The following CEACAM1 variants were observed in gnomAD, a reference collection of about 807,000 sequenced individuals.
CEACAM1 encodes CEA cell adhesion molecule 1.
A neutral mutation model predicts 49.1 loss-of-function variants in CEACAM1; 31 were observed. The observed-to-expected ratio is 0.63, with a 90% CI of 0.47 to 0.85. The LOEUF (loss-of-function observed/expected upper bound fraction) is 0.85, where lower values mean the gene tolerates loss of function less well. Among genes scored for constraint, CEACAM1 ranks in the 40% least tolerant of loss-of-function variants. The pLI, the probability that CEACAM1 is intolerant of heterozygous loss-of-function variation, is 0.00. For synonymous variants in CEACAM1, 244 were observed against 247.8 expected, an observed-to-expected ratio of 0.98 and a Z score of 0.14; for missense variants, 570 against 645.3, an observed-to-expected ratio of 0.88 and a Z score of 1.26.
chr19:42,513,915 T>TATATAAAAATAA, intron 5 of CEACAM1, among the ~76,000 whole-genome samples: 1 of 129,808 alleles, frequency 7.7e-6, no homozygotes, highest in African/African-American at 3.7e-5. Flanking sequence ...TATATATATA[T>TATATAAAAATAA]ATAATATATA....
chr19:42,521,344 C>G lies in CEACAM1; in HGVS notation c.881G>C (p.Ser294Thr). The change falls in exon 4 of 9, where the codon AGT becomes ACT. Residue 294 changes from serine (S) to threonine (T), a missense_variant. Ser to Thr is a moderately conservative substitution (Grantham distance 58). Transcript: ENST00000161559. ...LFIPNITVNN[S>T]GSYTCHANNS... ...ATTGGCGTGGCAGGTATAGGATCCACTATTATTCACAGTGATGTTAGGGAT... is the reference window on the plus strand; with the variant it reads ...ATTGGCGTGGCAGGTATAGGATCCAGTATTATTCACAGTGATGTTAGGGAT... 3 of 1,614,144 alleles carry G rather than the reference C, an allele frequency of 1.9e-6. No individual in the cohort carries two copies. The highest frequency in any genetic ancestry group is 2.5e-6 in the Non-Finnish European group (3 of 1,180,016).
At chr19:42,515,920 T>G (rs556576284) in intron 5 of CEACAM1, among the ~76,000 whole-genome samples, 1 of 151,928 alleles carries the variant, frequency 6.6e-6, no homozygotes, top group Admixed American at 6.6e-5. Flanking sequence ...AAATAGAAAA[T>G]CTGAATAGAC....
intron 5 of CEACAM1, among the ~76,000 whole-genome samples, chr19:42,513,662 G>A (rs1373135394): frequency 6.7e-6 from 1 of 149,672 alleles, no homozygotes; most frequent in African/African-American, 2.5e-5. Context: ...TCTTCCACAG[G>A]AATCAGATCT....
chr19:42,522,624 C>T (rs189117146), intron 2 of CEACAM1, among the ~76,000 whole-genome samples: 18 of 151,680 alleles, frequency 1.2e-4, no homozygotes, highest in Admixed American at 1.1e-3. Flanking sequence ...TGCAGTGGCA[C>T]GATCTTGGCT....
At chr19:42,519,453 T>A (rs1212349579) in intron 4 of CEACAM1, 1 of 561,936 alleles carries the variant, frequency 1.8e-6, no homozygotes, top group Non-Finnish European at 3.2e-6. Flanking sequence ...ACCTCCCTCC[T>A]GACCCCAGAT....
chr19:42,527,276 A>G lies in CEACAM1; in HGVS notation c.189T>C (p.Phe63=). Residue 63 remains phenylalanine, a synonymous_variant, in exon 2 of 9, where the codon TTT becomes TTC. Coordinates refer to ENST00000161559, the MANE Select transcript of CEACAM1 (RefSeq NM_001712.5). The part of the protein sequence containing the change: ...LLVHNLPQQL[F]GYSWYKGERV... ...TTTCCCCTTTGTACCAGCTGTAGCCAAAAAGTTGCTGGGGCAGATTGTGGA... is the reference window on the plus strand; with the variant it reads ...TTTCCCCTTTGTACCAGCTGTAGCCGAAAAGTTGCTGGGGCAGATTGTGGA... The G allele has an allele frequency of 6.2e-7, 1 of 1,614,060 alleles. No homozygotes were observed. Among genetic ancestry groups the G allele is most frequent in the Non-Finnish European group, 8.5e-7 (1 of 1,179,946 alleles).
Position 42,518,954 on chromosome 19 carries a change from C to T in CEACAM1, c.1240G>A (p.Val414Ile), listed in dbSNP as rs368919190. Reference protein sequence around the residue: ...KNQSDPIMLNVNYNALPQENG... With the variant: ...KNQSDPIMLNINYNALPQENG... ...GGGGTGAGGAGTCACTTACAGTTTA[C>T]GTTCAGCATGATGGGGTCGCTTTGG... The change falls in exon 5 of 9, where the codon GTA (valine) becomes ATA (isoleucine). Residue 414 changes from valine (V) to isoleucine (I), a missense_variant. Val to Ile is a conservative substitution (Grantham distance 29). Coordinates refer to ENST00000161559, the MANE Select transcript of CEACAM1 (RefSeq NM_001712.5). 1.7e-5 allele frequency: 28 copies of T among 1,614,010 alleles called. No individual in the cohort carries two copies. Among genetic ancestry groups the T allele is most frequent in the African/African-American group, 1.5e-4 (11 of 74,920 alleles).
chr19:42,517,725 T>C (rs1389027139), intron 5 of CEACAM1, among the ~76,000 whole-genome samples: 1 of 152,224 alleles, frequency 6.6e-6, no homozygotes, highest in East Asian at 1.9e-4. Context: ...TCTAGTGCAT[T>C]GCTGGTGGGA....
At chr19:42,515,980 A>G (rs993159246) in intron 5 of CEACAM1, among the ~76,000 whole-genome samples, 2 of 152,222 alleles carry the variant, frequency 1.3e-5, no homozygotes, top group Non-Finnish European at 1.5e-5. Flanking sequence ...ACAAAATTCA[A>G]CATTCTTTCA....
chr19:42,527,490 C>T, intron 1 of CEACAM1, 90 bp from the exon 2 acceptor site: 1 of 1,482,648 alleles, frequency 6.7e-7, no homozygotes. Flanking sequence ...GGTGTCTTCA[C>T]CCCTCCACCT....
At position 42,510,887 on chromosome 19, in the gene CEACAM1, A is replaced by C; in HGVS notation, c.1461+2T>G. On this transcript the variant is annotated splice_donor_variant, in intron 8 of 8. Transcript: ENST00000161559. LOFTEE classifies it high-confidence loss of function. ...AAGCCCATGAAAACCGGCTATGCTTACCTTGTTAGGTGGGTCATTGGAGTG... is the reference window on the plus strand; with the variant it reads ...AAGCCCATGAAAACCGGCTATGCTTCCCTTGTTAGGTGGGTCATTGGAGTG... 6.2e-7 allele frequency: 1 copy of C among 1,613,456 alleles called. No individual in the cohort carries two copies. The highest frequency in any genetic ancestry group is 8.5e-7 in the Non-Finnish European group (1 of 1,179,340).
rs1192531515 is a variant in CEACAM1 at position 42,513,789 on chromosome 19, T to C, written c.1247-1310A>G. 3.4e-5 allele frequency among the ~76,000 whole-genome samples: 5 copies of C among 146,450 alleles called. No homozygotes were observed. In the East Asian group the frequency reaches 9.8e-4, roughly 29 times the overall value. On this transcript the variant is annotated intron_variant, in intron 5 of 8. Coordinates refer to ENST00000161559, the MANE Select transcript of CEACAM1 (RefSeq NM_001712.5). The stretch of plus-strand genomic sequence containing the variant: ...TCACTGTATCTCAGTAGATGGAAAC[T>C]AACATACCAGGCTTGAGACTTTGCT...
intron 8 of CEACAM1, among the ~76,000 whole-genome samples, chr19:42,509,721 G>A (rs2041410103): frequency 6.6e-6 from 1 of 152,044 alleles, no homozygotes; most frequent in East Asian, 1.9e-4. Flanking sequence ...CTGCCTCCCG[G>A]GTTCAAGCGA....
chr19:42,513,511 C>T (rs7250501), intron 5 of CEACAM1, among the ~76,000 whole-genome samples: 15,530 of 151,598 alleles, frequency 0.1, 2,641 homozygotes, highest in African/African-American at 0.35. Context: ...GCAGGAGAAT[C>T]GCTTGAACCC....
At chr19:42,525,315 C>T (rs1423444217) in intron 2 of CEACAM1, among the ~76,000 whole-genome samples, 1 of 151,278 alleles carries the variant, frequency 6.6e-6, no homozygotes, top group Non-Finnish European at 1.5e-5. Context: ...ACCTCTGCCT[C>T]CTGGGTTCAA....
In CEACAM1 at chr19:42,509,112, C is replaced by T; in HGVS notation, c.1578G>A (p.Gln526=). The part of the protein sequence containing the change: ...TEIIYSEVKK[Q] ...GCAGTGAGCAGGACAGGTTTCATTACTGCTTTTTTACTTCTGAATAAATTA... is the reference window on the plus strand; with the variant it reads ...GCAGTGAGCAGGACAGGTTTCATTATTGCTTTTTTACTTCTGAATAAATTA... Residue 526 remains glutamine, a synonymous_variant, in exon 9 of 9, where the codon CAG becomes CAA. Coordinates refer to ENST00000161559, the MANE Select transcript of CEACAM1 (RefSeq NM_001712.5). 6.2e-7 allele frequency: 1 copy of T among 1,614,148 alleles called. No individual in the cohort carries two copies. The highest frequency in any genetic ancestry group is 1.1e-5 in the South Asian group (1 of 91,086).
chr19:42,518,711 A>G (rs1424478692), intron 5 of CEACAM1: 7 of 516,118 alleles, frequency 1.4e-5, no homozygotes, highest in Non-Finnish European at 2.1e-5. Flanking sequence ...CATATTAGCC[A>G]GGATGGTCTC....
At position 42,511,684 on chromosome 19, in the gene CEACAM1, G is replaced by T. The variant is rs10401178; in HGVS notation, c.1377-56C>A. 32,055 of 1,553,360 alleles carry T rather than the reference G, an allele frequency of 0.021. 5,095 individuals carry two copies. In the African/African-American group the frequency reaches 0.36, roughly 18 times the overall value. ...TTCCCAAGCACAGGATCTTTGTTCCGTAAGTTAGGAAGGACACTGTGAGCA... is the reference window on the plus strand; with the variant it reads ...TTCCCAAGCACAGGATCTTTGTTCCTTAAGTTAGGAAGGACACTGTGAGCA... On this transcript the variant is annotated intron_variant, in intron 6 of 8. Coordinates refer to ENST00000161559, the MANE Select transcript of CEACAM1 (RefSeq NM_001712.5).
chr19:42,516,197 A>G lies in CEACAM1; in HGVS notation c.1246+2751T>C, dbSNP rs542852391. ...TAGACAGAACAATTAGGCAAGAAAA[A>G]AAAAGCATCTAGATTGGAAAGAAGT... On this transcript the variant is annotated intron_variant, in intron 5 of 8. Coordinates refer to ENST00000161559, the MANE Select transcript of CEACAM1 (RefSeq NM_001712.5). Among the ~76,000 whole-genome samples the G allele has an allele frequency of 1.6e-4, 24 of 152,326 alleles. No individual in the cohort carries two copies. The East Asian group carries it at 4.6e-3, about 29-fold the overall frequency.
Sources: gnomAD v4.1 joint callset for allele counts (sites outside exome capture counted in the v4.1 genomes callset) on GRCh38, gnomAD v4.1.1 for gene constraint, MANE v1.5 for transcripts, NCBI Gene and HGNC (gene_info 2026-07-23, HGNC 2026-07-21) for gene names.